The following CDH13 variants were observed in gnomAD, a reference collection of about 807,000 sequenced individuals.
CDH13 encodes cadherin 13, also known as cadherin-13.
Under a neutral mutation model 63.8 loss-of-function variants are expected in CDH13, and 24 were observed. The observed-to-expected ratio is 0.38, with a 90% CI of 0.27 to 0.53. The LOEUF (loss-of-function observed/expected upper bound fraction) is 0.53, where lower values mean the gene tolerates loss of function less well. Ranked by LOEUF, CDH13 falls within the 20% of genes least tolerant of loss-of-function variation. The pLI is 0.85. For synonymous variants in CDH13, 503 were observed against 355.3 expected (o/e 1.42, Z -4.67); for missense variants, 1,049 against 903.1 (o/e 1.16, Z -2.07).
intron 2 of CDH13, among the ~76,000 whole-genome samples, chr16:82,979,452 G>C (rs973198290): frequency 6.6e-6 from 1 of 152,090 alleles, no homozygotes. Flanking sequence ...GAGGGACGTG[G>C]GGGGAGACGA....
intron 2 of CDH13, among the ~76,000 whole-genome samples, chr16:83,023,666 T>C (rs952891893): frequency 7.2e-5 from 11 of 152,254 alleles, no homozygotes; most frequent in Non-Finnish European, 1.5e-4. Context: ...TAAATATGTC[T>C]TTGAACTCTG....
chr16:83,117,204 C>G (rs1344736478), intron 3 of CDH13, among the ~76,000 whole-genome samples: 1 of 152,216 alleles, frequency 6.6e-6, no homozygotes, highest in Non-Finnish European at 1.5e-5. Context: ...AAAGCCAGGG[C>G]CCTCTCCATG....
intron 2 of CDH13, among the ~76,000 whole-genome samples, chr16:83,003,179 A>G (rs1397141458): frequency 1.3e-5 from 2 of 152,144 alleles, no homozygotes; most frequent in Non-Finnish European, 1.5e-5. Flanking sequence ...GTCCCATATG[A>G]CAGTCTTGAT....
chr16:82,930,732 G>C (rs2042463856), intron 2 of CDH13, among the ~76,000 whole-genome samples: 1 of 152,114 alleles, frequency 6.6e-6, no homozygotes, highest in Non-Finnish European at 1.5e-5. Context: ...TAAAATTAAA[G>C]CTATAAAGCA....
At chr16:82,719,464 G>T (rs1434475016) in intron 1 of CDH13, 3 of 455,682 alleles carry the variant, frequency 6.6e-6, no homozygotes, top group Non-Finnish European at 1.3e-5. Flanking sequence ...AGGAAGGAAT[G>T]ATGCCAACTT....
At chr16:83,287,891 T>C (rs2089361762) in intron 5 of CDH13, among the ~76,000 whole-genome samples, 1 of 152,152 alleles carries the variant, frequency 6.6e-6, no homozygotes, top group Non-Finnish European at 1.5e-5. Flanking sequence ...AATTAATGCA[T>C]AGAAGTCCAT....
At chr16:83,464,241 G>C (rs1250208046) in intron 6 of CDH13, among the ~76,000 whole-genome samples, 1 of 152,080 alleles carries the variant, frequency 6.6e-6, no homozygotes, top group African/African-American at 2.4e-5. Context: ...TGCTGGGCAT[G>C]GTGGCTCACG....
chr16:83,250,270 T>TCCA lies in CDH13; in HGVS notation c.636+32773_636+32774insCCA, dbSNP rs567847337. The stretch of plus-strand genomic sequence containing the variant: ...AAAAGTCATTTTTCCTCCTTTTTAC[T>TCCA]TTTTCATTCATTAATTTAATATTCA... On this transcript the variant is annotated intron_variant, in intron 5 of 13. Transcript: ENST00000567109. Among the ~76,000 whole-genome samples, 10 of 152,318 alleles carry TCCA rather than the reference T, an allele frequency of 6.6e-5. No individual in the cohort carries two copies. The East Asian group carries it at 1.7e-3, about 26-fold the overall frequency.
intron 5 of CDH13, among the ~76,000 whole-genome samples, chr16:83,253,452 G>A (rs922115557): frequency 6.6e-6 from 1 of 152,210 alleles, no homozygotes; most frequent in Non-Finnish European, 1.5e-5. Context: ...GGCAAAATCT[G>A]TGTGGTCGTG....
intron 5 of CDH13, among the ~76,000 whole-genome samples, chr16:83,249,644 G>A (rs1290313227): frequency 2.6e-5 from 4 of 152,164 alleles, no homozygotes; most frequent in East Asian, 3.9e-4. Context: ...CCATGCCATC[G>A]AAGTAGATTT....
chr16:83,526,252 C>G (rs1433235022), intron 7 of CDH13, among the ~76,000 whole-genome samples: 1 of 152,004 alleles, frequency 6.6e-6, no homozygotes, highest in African/African-American at 2.4e-5. Flanking sequence ...TGTTTTTTTC[C>G]TCTTTATTCT....
chr16:83,508,735 C>T (rs149172273), intron 7 of CDH13, among the ~76,000 whole-genome samples: 1 of 152,306 alleles, frequency 6.6e-6, no homozygotes, highest in East Asian at 1.9e-4. Context: ...TGTCTCACTT[C>T]TCTTTCTCCC....
At chr16:83,117,876 CGT>C (rs1406061970) in intron 3 of CDH13, among the ~76,000 whole-genome samples, 4 of 151,986 alleles carry the variant, frequency 2.6e-5, no homozygotes, top group Non-Finnish European at 5.9e-5. Context: ...TTCCAGACAG[CGT>C]GATACTTGCT....
At chr16:83,282,465 G>A (rs1001806832) in intron 5 of CDH13, among the ~76,000 whole-genome samples, 5 of 152,162 alleles carry the variant, frequency 3.3e-5, no homozygotes, top group Admixed American at 6.5e-5. Flanking sequence ...AAAATGTAAC[G>A]TTGGACCAGA....
chr16:83,510,913 TTA>T (rs2074541371), intron 7 of CDH13, among the ~76,000 whole-genome samples: 1 of 152,226 alleles, frequency 6.6e-6, no homozygotes, highest in Non-Finnish European at 1.5e-5. Flanking sequence ...CACACAAAAT[TTA>T]CCCTTGAAAA....
At chr16:82,725,207 TC>T (rs1229311289) in intron 1 of CDH13, among the ~76,000 whole-genome samples, 1 of 145,466 alleles carries the variant, frequency 6.9e-6, no homozygotes, top group East Asian at 2.0e-4. Flanking sequence ...AAGAATGTTT[TC>T]CTGCTGTTTC....
At chr16:83,008,618 C>T (rs1044137648) in intron 2 of CDH13, among the ~76,000 whole-genome samples, 1 of 152,108 alleles carries the variant, frequency 6.6e-6, no homozygotes, top group Non-Finnish European at 1.5e-5. Flanking sequence ...ATACTTGGAC[C>T]TTTGCTGTGT....
intron 7 of CDH13, among the ~76,000 whole-genome samples, chr16:83,513,558 C>T (rs2074625375): frequency 6.6e-6 from 1 of 152,160 alleles, no homozygotes; most frequent in Non-Finnish European, 1.5e-5. Flanking sequence ...ACAATCATGG[C>T]AGAAGGGAAA....
intron 6 of CDH13, among the ~76,000 whole-genome samples, chr16:83,450,425 T>G (rs2151509807): frequency 6.6e-6 from 1 of 152,334 alleles, no homozygotes; most frequent in Non-Finnish European, 1.5e-5. Context: ...GACAATTTTC[T>G]ACCTGATGAG....
Sources: gnomAD v4.1 joint callset for allele counts (sites outside exome capture counted in the v4.1 genomes callset) on GRCh38, gnomAD v4.1.1 for gene constraint, MANE v1.5 for transcripts, NCBI Gene and HGNC (gene_info 2026-07-23, HGNC 2026-07-21) for gene names.